The following DSCAM variants were observed in gnomAD, a reference collection of about 807,000 sequenced individuals.
DSCAM encodes the protein cell adhesion molecule DSCAM.
Under a neutral mutation model 217.7 loss-of-function variants are expected in DSCAM, and 47 were observed. That is an observed-to-expected ratio of 0.22 (90% CI 0.17 to 0.28). The LOEUF is 0.28. Among genes scored for constraint, DSCAM ranks in the 10% least tolerant of loss-of-function variants. DSCAM has a pLI of 1.00. For synonymous variants in DSCAM, 1,056 were observed against 1,015.3 expected (o/e 1.04, Z -0.76); for missense variants, 2,080 against 2,618.3 (o/e 0.79, Z 4.49).
chr21:40,085,270 C>G lies in DSCAM; in HGVS notation c.4132+332G>C, dbSNP rs564105291. 5.3e-5 allele frequency among the ~76,000 whole-genome samples: 8 copies of G among 152,222 alleles called. No homozygotes were observed. In the South Asian group the frequency reaches 1.7e-3, roughly 32 times the overall value. On this transcript the variant is annotated intron_variant, in intron 23 of 32. Coordinates refer to ENST00000400454, the MANE Select transcript of DSCAM (RefSeq NM_001389.5). ...TTTTTTGTTTGTGTTTTCTGGGATA[C>G]ACTTACATATATGTAGAGTAAACAG...
intron 3 of DSCAM, among the ~76,000 whole-genome samples, chr21:40,509,836 G>T (rs555676048): frequency 1.3e-5 from 2 of 152,270 alleles, no homozygotes; most frequent in South Asian, 4.1e-4. Context: ...TTCTCTAAAA[G>T]AATCTAGGCT....
intron 20 of DSCAM, among the ~76,000 whole-genome samples, chr21:40,095,051 G>T (rs1366283289): frequency 6.6e-6 from 1 of 152,176 alleles, no homozygotes; most frequent in Non-Finnish European, 1.5e-5. Context: ...TAAATAAAAA[G>T]AGGTTTAATG....
intron 8 of DSCAM, among the ~76,000 whole-genome samples, chr21:40,319,526 G>A (rs375185972): frequency 3.3e-5 from 5 of 152,276 alleles, no homozygotes; most frequent in East Asian, 1.9e-4. Flanking sequence ...CTTGGCTGTC[G>A]TGGATAGTGC....
In DSCAM at chr21:40,585,419, C is replaced by CAA. The variant is rs71186946; in HGVS notation, c.508+107389_508+107390dup. Among the ~76,000 whole-genome samples the CAA allele has an allele frequency of 4.0e-3, 349 of 86,692 alleles. 12 individuals are homozygous for CAA. In the East Asian group the frequency reaches 0.075, roughly 19 times the overall value. 56.9% of individuals were successfully genotyped at this position (86,692 alleles called of 152,430 possible). A position where few individuals can be genotyped will look rare whatever the true frequency, so the allele number is the denominator to read the frequency against. Reference sequence around the variant, plus strand: ...TGGGCGACAGAGCAAGACTCCGTCTCAAAAAAAAAAAAAAAAAAAAAAAAG... The same window carrying CAA: ...TGGGCGACAGAGCAAGACTCCGTCTCAAAAAAAAAAAAAAAAAAAAAAAAAAG... On this transcript the variant is annotated intron_variant, in intron 3 of 32. Coordinates refer to ENST00000400454, the MANE Select transcript of DSCAM (RefSeq NM_001389.5).
chr21:40,113,779 G>C (rs940721755), intron 20 of DSCAM, among the ~76,000 whole-genome samples: 1 of 152,114 alleles, frequency 6.6e-6, no homozygotes, highest in African/African-American at 2.4e-5. Flanking sequence ...CAGACAAACA[G>C]AGAGCCAAAT....
intron 1 of DSCAM, among the ~76,000 whole-genome samples, chr21:40,843,687 T>C (rs1239764808): frequency 1.3e-5 from 2 of 152,018 alleles, no homozygotes; most frequent in African/African-American, 2.4e-5. Flanking sequence ...TTCCAGAACA[T>C]TGCAGAACAA....
At chr21:40,425,698 T>TTG (rs1242439904) in intron 3 of DSCAM, among the ~76,000 whole-genome samples, 2 of 151,026 alleles carry the variant, frequency 1.3e-5, no homozygotes, top group Non-Finnish European at 3.0e-5. Flanking sequence ...AAACTCTTCC[T>TTG]TGTTCATTTC....
At chr21:40,492,257 G>A (rs1285726135) in intron 3 of DSCAM, among the ~76,000 whole-genome samples, 2 of 152,074 alleles carry the variant, frequency 1.3e-5, no homozygotes, top group Non-Finnish European at 2.9e-5. Flanking sequence ...TTAAGAAATT[G>A]GCTTGCTTTC....
intron 1 of DSCAM, among the ~76,000 whole-genome samples, chr21:40,829,916 A>G (rs1248427711): frequency 9.9e-5 from 15 of 152,152 alleles, no homozygotes; most frequent in Non-Finnish European, 2.1e-4. Flanking sequence ...GAGACTCCCA[A>G]ATTGTTCTCA....
intron 3 of DSCAM, among the ~76,000 whole-genome samples, chr21:40,625,189 T>G (rs2089583649): frequency 6.6e-6 from 1 of 152,132 alleles, no homozygotes; most frequent in Non-Finnish European, 1.5e-5. Flanking sequence ...GAAGTTCAAT[T>G]GATATTCAAC....
chr21:40,703,842 T>C (rs73358399), intron 2 of DSCAM, among the ~76,000 whole-genome samples: 11,141 of 152,218 alleles, frequency 0.073, 595 homozygotes, highest in African/African-American at 0.15. Context: ...TGGGGCTTAA[T>C]TTGTCATTAA....
chr21:40,217,775 A>AT (rs543250340), intron 11 of DSCAM, among the ~76,000 whole-genome samples: 23 of 152,158 alleles, frequency 1.5e-4, no homozygotes, highest in South Asian at 1.0e-3. Flanking sequence ...TGATATCGAG[A>AT]TTTTTTTATA....
rs1281957896 is a variant in DSCAM, at chr21:40,226,441, A to C, written c.2357-37203T>G. Among the ~76,000 whole-genome samples the C allele has an allele frequency of 2.0e-5, 3 of 152,112 alleles. No individual in the cohort carries two copies. The East Asian group carries it at 5.8e-4, about 29-fold the overall frequency. On this transcript the variant is annotated intron_variant, in intron 11 of 32. Transcript: ENST00000400454. ...TGCATTTCTTTAGGGGTGCTATTTT[A>C]ATGTCGGGAGAGATATCAAGCAGCA...
chr21:40,446,036 C>G (rs961290108), intron 3 of DSCAM, among the ~76,000 whole-genome samples: 1 of 152,098 alleles, frequency 6.6e-6, no homozygotes, highest in Non-Finnish European at 1.5e-5. Context: ...GTAAAATGCT[C>G]TTGGTTTTGG....
intron 1 of DSCAM, among the ~76,000 whole-genome samples, chr21:40,835,268 T>G (rs2092047414): frequency 6.6e-6 from 1 of 152,224 alleles, no homozygotes; most frequent in Non-Finnish European, 1.5e-5. Flanking sequence ...AAGATTGACC[T>G]ACTCTACTAC....
chr21:40,235,276 G>A (rs568885410), intron 11 of DSCAM, among the ~76,000 whole-genome samples: 24 of 152,172 alleles, frequency 1.6e-4, no homozygotes, highest in African/African-American at 3.1e-4. Flanking sequence ...TCAGTTAACC[G>A]TATGGTCCAG....
chr21:40,298,339 C>T (rs979273641), intron 9 of DSCAM, among the ~76,000 whole-genome samples: 1 of 151,606 alleles, frequency 6.6e-6, no homozygotes, highest in African/African-American at 2.4e-5. Flanking sequence ...CCTCAGCCTC[C>T]CAAAGTGCTG....
intron 3 of DSCAM, among the ~76,000 whole-genome samples, chr21:40,663,855 G>A (rs921798219): frequency 1.6e-4 from 25 of 152,152 alleles, no homozygotes; most frequent in Non-Finnish European, 2.6e-4. Context: ...TTTCAGTTCT[G>A]TGAGCCAATA....
At chr21:40,213,813 C>T (rs536819970) in intron 11 of DSCAM, among the ~76,000 whole-genome samples, 9 of 152,082 alleles carry the variant, frequency 5.9e-5, no homozygotes, top group Non-Finnish European at 1.3e-4. Context: ...GGGAATTTTA[C>T]GATATTCTAG....
Sources: allele counts gnomAD v4.1 joint callset (sites outside exome capture counted in the v4.1 genomes callset), GRCh38; gene constraint gnomAD v4.1.1; transcripts MANE v1.5; gene names NCBI Gene and HGNC (gene_info 2026-07-23, HGNC 2026-07-21).